The following WDFY2 variants were observed in gnomAD, a reference collection of about 807,000 sequenced individuals.
WDFY2 encodes WD repeat and FYVE domain-containing protein 2.
In WDFY2, 36 loss-of-function variants were observed where a neutral mutation model predicts 56.4. The observed-to-expected ratio is 0.64, with a 90% confidence interval of 0.49 to 0.84. The LOEUF (loss-of-function observed/expected upper bound fraction) is 0.84. Among genes scored for constraint, WDFY2 ranks in the 40% least tolerant of loss-of-function variants. The pLI, the probability that WDFY2 is intolerant of heterozygous loss-of-function variation, is 0.00. For missense variants in WDFY2, 444 were observed against 512.2 expected, an observed-to-expected ratio of 0.87 and a Z score of 1.29; for synonymous variants, 176 against 183.7, an observed-to-expected ratio of 0.96 and a Z score of 0.34.
At chr13:51,676,271 G>T (rs576929801) in intron 3 of WDFY2, among the ~76,000 whole-genome samples, 12 of 152,262 alleles carry the variant, frequency 7.9e-5, no homozygotes, top group Non-Finnish European at 7.3e-5. Context: ...AGCAGTTTGC[G>T]GTAGACAGGA....
At chr13:51,701,010 A>C (rs572739704) in intron 3 of WDFY2, among the ~76,000 whole-genome samples, 6 of 152,352 alleles carry the variant, frequency 3.9e-5, no homozygotes, top group African/African-American at 1.4e-4. Context: ...GTCATCAAAA[A>C]GAATGAAGTT....
intron 3 of WDFY2, among the ~76,000 whole-genome samples, chr13:51,693,338 C>G (rs1318003357): frequency 6.6e-6 from 1 of 151,562 alleles, no homozygotes; most frequent in Non-Finnish European, 1.5e-5. Context: ...AAATTTCCCT[C>G]TACACACTGC....
At chr13:51,685,901 T>A (rs1269710607) in intron 3 of WDFY2, among the ~76,000 whole-genome samples, 3 of 152,160 alleles carry the variant, frequency 2.0e-5, no homozygotes, top group African/African-American at 7.2e-5. Context: ...TGGCAATATT[T>A]TTTGAGTGAA....
chr13:51,693,326 A>G (rs1230207859), intron 3 of WDFY2, among the ~76,000 whole-genome samples: 16 of 151,686 alleles, frequency 1.1e-4, no homozygotes, highest in Non-Finnish European at 3.0e-5. Flanking sequence ...ATTTAGTGCT[A>G]TAAATTTCCC....
At chr13:51,744,312 G>C (rs1201455661) in intron 7 of WDFY2, among the ~76,000 whole-genome samples, 1 of 152,176 alleles carries the variant, frequency 6.6e-6, no homozygotes, top group Non-Finnish European at 1.5e-5. Context: ...ATGAAGAAAG[G>C]CTTAAGTTGA....
At chr13:51,757,500 C>A (rs1357926190) in intron 10 of WDFY2, among the ~76,000 whole-genome samples, 1 of 151,396 alleles carries the variant, frequency 6.6e-6, no homozygotes, top group Middle Eastern at 3.2e-3. Flanking sequence ...GTGGAGTGGG[C>A]CCCTTGAAGC....
intron 11 of WDFY2, among the ~76,000 whole-genome samples, chr13:51,759,110 A>T (rs924982823): frequency 6.6e-6 from 1 of 152,196 alleles, no homozygotes; most frequent in Non-Finnish European, 1.5e-5. Flanking sequence ...GAGCCCAGTA[A>T]GTCGAGGCTG....
intron 4 of WDFY2, among the ~76,000 whole-genome samples, chr13:51,707,094 A>G (rs1254335578): frequency 2.0e-5 from 3 of 152,238 alleles, no homozygotes; most frequent in African/African-American, 7.2e-5. Flanking sequence ...AGAATATTAG[A>G]CACAGACAGA....
chr13:51,746,057 ATCTCCACCTCC>A (rs1367252842), intron 7 of WDFY2, among the ~76,000 whole-genome samples: 3 of 145,824 alleles, frequency 2.1e-5, no homozygotes, highest in Non-Finnish European at 4.5e-5. Flanking sequence ...GCTCACTGCA[ATCTCCACCTCC>A]AGGTTCAAGC....
chr13:51,632,409 A>G (rs1302518443), intron 1 of WDFY2, among the ~76,000 whole-genome samples: 1 of 151,976 alleles, frequency 6.6e-6, no homozygotes, highest in Non-Finnish European at 1.5e-5. Context: ...TCTCTTTCTG[A>G]AATACCTATT....
At chr13:51,706,240 C>A (rs146757397) in intron 4 of WDFY2, among the ~76,000 whole-genome samples, 1 of 152,142 alleles carries the variant, frequency 6.6e-6, no homozygotes, top group African/African-American at 2.4e-5. Context: ...TAATACAATA[C>A]TAGGCTCATG....
At chr13:51,694,599 C>G (rs1300233192) in intron 3 of WDFY2, among the ~76,000 whole-genome samples, 2 of 152,170 alleles carry the variant, frequency 1.3e-5, no homozygotes, top group Admixed American at 1.3e-4. Context: ...ACCTTTCTCT[C>G]TGGCTGCCCT....
chr13:51,586,306 C>T (rs2138275580), intron 1 of WDFY2: 1 of 366,528 alleles, frequency 2.7e-6, no homozygotes, highest in African/African-American at 2.1e-5. Flanking sequence ...TCTGTAACTA[C>T]TGGAGATGGA....
At chr13:51,664,892 T>G (rs1955673970) in intron 2 of WDFY2, among the ~76,000 whole-genome samples, 1 of 152,254 alleles carries the variant, frequency 6.6e-6, no homozygotes, top group Non-Finnish European at 1.5e-5. Context: ...TTAATTTCTT[T>G]GGATAGTTCA....
intron 3 of WDFY2, among the ~76,000 whole-genome samples, chr13:51,695,182 C>T (rs184951088): frequency 6.6e-6 from 1 of 152,198 alleles, no homozygotes; most frequent in Non-Finnish European, 1.5e-5. Context: ...TCTCTCAGCT[C>T]GTCAAAGGCA....
At chr13:51,621,419 C>A (rs950744966) in intron 1 of WDFY2, among the ~76,000 whole-genome samples, 1 of 152,100 alleles carries the variant, frequency 6.6e-6, no homozygotes, top group Non-Finnish European at 1.5e-5. Context: ...GCAGGAGAAT[C>A]GCTTGAACCC....
chr13:51,694,857 A>G (rs1261060283), intron 3 of WDFY2, among the ~76,000 whole-genome samples: 2 of 151,720 alleles, frequency 1.3e-5, no homozygotes, highest in Non-Finnish European at 2.9e-5. Flanking sequence ...ATAGTCCCAT[A>G]TTTCTTGGAG....
chr13:51,643,763 C>A (rs1386917240), intron 1 of WDFY2, among the ~76,000 whole-genome samples: 1 of 152,074 alleles, frequency 6.6e-6, no homozygotes, highest in Admixed American at 6.6e-5. Context: ...GGACAATATT[C>A]GTTTTTCTCT....
intron 1 of WDFY2, among the ~76,000 whole-genome samples, chr13:51,623,973 C>T (rs947266834): frequency 1.3e-5 from 2 of 152,056 alleles, no homozygotes; most frequent in Non-Finnish European, 2.9e-5. Flanking sequence ...CATAACTAGC[C>T]GTGTTCCCAG....
Sources: gnomAD v4.1 joint callset for allele counts (sites outside exome capture counted in the v4.1 genomes callset) on GRCh38, gnomAD v4.1.1 for gene constraint, MANE v1.5 for transcripts, NCBI Gene and HGNC (gene_info 2026-07-23, HGNC 2026-07-21) for gene names.